The following NOVA1 variants were observed in gnomAD, a reference collection of about 807,000 sequenced individuals.
The protein encoded by NOVA1 is NOVA alternative splicing regulator 1.
A neutral mutation model predicts 38.0 loss-of-function variants in NOVA1; 7 were observed. The ratio of observed to expected loss-of-function variants is 0.18; its 90% confidence interval spans 0.10 to 0.35. The LOEUF is 0.35. NOVA1 is among the 10% of genes least tolerant of loss of function. NOVA1 has a pLI of 1.00. For missense variants in NOVA1, 460 were observed against 616.0 expected, an observed-to-expected ratio of 0.75 and a Z score of 2.68; for synonymous variants, 270 against 232.5, an observed-to-expected ratio of 1.16 and a Z score of -1.47.
rs746551809 is a variant in NOVA1 at position 26,480,082 on chromosome 14, T to A, written c.342A>T (p.Gly114=). 3.1e-6 allele frequency: 5 copies of A among 1,614,102 alleles called. No homozygotes were observed. In the South Asian group the frequency reaches 4.4e-5, roughly 14 times the overall value. ...TTTCTCGAATTTTTTCTGCAATGAA[T>A]CCATGAACTGCATTCAGTGCTTCAA... The part of the protein sequence containing the change: ...GTVEALNAVH[G]FIAEKIREMP... The change falls in exon 3 of 5, where the codon GGA becomes GGT. Residue 114 remains glycine, a synonymous_variant. Coordinates refer to ENST00000539517, the MANE Select transcript of NOVA1 (RefSeq NM_002515.3).
chr14:26,591,716 T>G (rs192733082), intron 2 of NOVA1, among the ~76,000 whole-genome samples: 155 of 151,716 alleles, frequency 1.0e-3, no homozygotes, highest in East Asian at 7.1e-3. Flanking sequence ...ATTTTCCCCT[T>G]TTCAAAATAA....
At chr14:26,584,742 C>T (rs180875142) in intron 2 of NOVA1, among the ~76,000 whole-genome samples, 8 of 151,476 alleles carry the variant, frequency 5.3e-5, no homozygotes, top group African/African-American at 1.9e-4. Context: ...AAAATTCAGT[C>T]CCCAAAACCC....
chr14:26,560,043 A>C (rs1891728859), intron 2 of NOVA1, among the ~76,000 whole-genome samples: 1 of 152,028 alleles, frequency 6.6e-6, no homozygotes, highest in Admixed American at 6.6e-5. Context: ...TAATTTGTAA[A>C]TATGCACATC....
chr14:26,574,902 T>C (rs1023103090), intron 2 of NOVA1, among the ~76,000 whole-genome samples: 1 of 151,960 alleles, frequency 6.6e-6, no homozygotes, highest in African/African-American at 2.4e-5. Context: ...TCTCCCACAA[T>C]CCTCCTGCCT....
chr14:26,511,824 G>A (rs916307818), intron 2 of NOVA1, among the ~76,000 whole-genome samples: 1 of 151,988 alleles, frequency 6.6e-6, no homozygotes, highest in Admixed American at 6.6e-5. Flanking sequence ...AAGAGTGGGA[G>A]GGAGAGAGGA....
intron 2 of NOVA1, among the ~76,000 whole-genome samples, chr14:26,581,115 A>G (rs1051118185): frequency 1.3e-5 from 2 of 152,114 alleles, no homozygotes; most frequent in African/African-American, 4.8e-5. Flanking sequence ...TAAATGACTG[A>G]TTAAAATAGT....
chr14:26,574,267 A>ACC lies in NOVA1; in HGVS notation c.280+21141_280+21142dup, dbSNP rs566340896. ...TCTTGAACTCCTGACCTCGTGATCC[A>ACC]CCCCCCCCCCCCCGCCCCCTCGGCC... is the stretch of plus-strand genomic sequence containing the variant. On this transcript the variant is annotated intron_variant, in intron 2 of 4. Coordinates refer to ENST00000539517, the MANE Select transcript of NOVA1 (RefSeq NM_002515.3). Among the ~76,000 whole-genome samples, 101 of 47,860 alleles carry ACC rather than the reference A, an allele frequency of 2.1e-3. 2 individuals carry two copies. The highest frequency in any genetic ancestry group is 1.0e-2 in the South Asian group (13 of 1,306). The allele number at this position is 47,860 out of a possible 152,430, so 31.4% of individuals were successfully genotyped here. A position where few individuals can be genotyped will look rare whatever the true frequency, so the allele number is the denominator to read the frequency against.
chr14:26,456,867 A>ACAGT (rs1883223109), intron 4 of NOVA1, among the ~76,000 whole-genome samples: 1 of 151,932 alleles, frequency 6.6e-6, no homozygotes, highest in Non-Finnish European at 1.5e-5. Flanking sequence ...TATACAAAGG[A>ACAGT]CAGTATGCAG....
At chr14:26,526,850 A>T (rs1280370707) in intron 2 of NOVA1, among the ~76,000 whole-genome samples, 1 of 152,214 alleles carries the variant, frequency 6.6e-6, no homozygotes, top group Non-Finnish European at 1.5e-5. Flanking sequence ...ATGATAAACC[A>T]GTGATGTGTA....
intron 2 of NOVA1, among the ~76,000 whole-genome samples, chr14:26,579,767 C>A (rs1055826231): frequency 6.6e-6 from 1 of 151,862 alleles, no homozygotes; most frequent in African/African-American, 2.4e-5. Flanking sequence ...CTGAAAGATA[C>A]GTTTAGTAGA....
intron 2 of NOVA1, among the ~76,000 whole-genome samples, chr14:26,565,362 C>T (rs535109457): frequency 7.1e-4 from 108 of 152,242 alleles, no homozygotes; most frequent in African/African-American, 2.5e-3. Flanking sequence ...TATCGCCCAT[C>T]CCATCCTTCA....
intron 2 of NOVA1, among the ~76,000 whole-genome samples, chr14:26,503,266 T>A (rs1887376060): frequency 6.6e-6 from 1 of 151,964 alleles, no homozygotes; most frequent in African/African-American, 2.4e-5. Context: ...ATGAGCTAGG[T>A]ATATGAACAA....
At position 26,447,884 on chromosome 14, in the gene NOVA1, T is replaced by C; in HGVS notation, c.*75A>G. 1 of 1,200,010 alleles carries C rather than the reference T, an allele frequency of 8.3e-7. No individual in the cohort carries two copies. Among genetic ancestry groups the C allele is most frequent in the South Asian group, 1.4e-5 (1 of 73,078 alleles). The allele number at this position is 1,200,010 out of a possible 1,614,324, so 74.3% of individuals were successfully genotyped here. A position where few individuals can be genotyped will look rare whatever the true frequency, so the allele number is the denominator to read the frequency against. ...ATTAATAACAGAAAAACTTCACTTC[T>C]GCAAAGTACAGTACATCCTTCTTGA... On this transcript the variant is annotated 3_prime_UTR_variant, in exon 5 of 5. Coordinates refer to ENST00000539517, the MANE Select transcript of NOVA1 (RefSeq NM_002515.3).
chr14:26,466,700 A>G (rs1485916770), intron 4 of NOVA1, among the ~76,000 whole-genome samples: 3 of 152,184 alleles, frequency 2.0e-5, no homozygotes, highest in Non-Finnish European at 1.5e-5. Context: ...TCAATGCAAC[A>G]GTTTTGGGAG....
At chr14:26,477,982 A>G (rs916215260) in intron 3 of NOVA1, among the ~76,000 whole-genome samples, 21 of 152,028 alleles carry the variant, frequency 1.4e-4, no homozygotes, top group African/African-American at 5.1e-4. Context: ...ATACACTGTC[A>G]CATACATTAT....
At chr14:26,534,090 C>G (rs190805412) in intron 2 of NOVA1, among the ~76,000 whole-genome samples, 39 of 152,178 alleles carry the variant, frequency 2.6e-4, no homozygotes, top group Admixed American at 2.5e-3. Flanking sequence ...ACTAGCATAA[C>G]TCTGATAATC....
chr14:26,596,961 C>T, intron 1 of NOVA1: 1 of 1,176,816 alleles, frequency 8.5e-7, no homozygotes, highest in Non-Finnish European at 1.1e-6. Flanking sequence ...CCGGGGTCAT[C>T]CTCCTCCTCC....
chr14:26,512,754 T>C (rs1481287234), intron 2 of NOVA1, among the ~76,000 whole-genome samples: 3 of 152,066 alleles, frequency 2.0e-5, no homozygotes, highest in Non-Finnish European at 4.4e-5. Context: ...TGGCATAATT[T>C]GAAAAGTAGA....
At chr14:26,460,715 A>T (rs1274332552) in intron 4 of NOVA1, among the ~76,000 whole-genome samples, 3 of 152,132 alleles carry the variant, frequency 2.0e-5, no homozygotes, top group African/African-American at 4.8e-5. Context: ...ACAAGGAAAA[A>T]CACTTTTTTT....
Sources: gnomAD v4.1 joint callset for allele counts (sites outside exome capture counted in the v4.1 genomes callset) on GRCh38, gnomAD v4.1.1 for gene constraint, MANE v1.5 for transcripts, NCBI Gene and HGNC (gene_info 2026-07-23, HGNC 2026-07-21) for gene names.